Variants in ST8SIA6 observed in about 807,000 individuals in gnomAD.
ST8SIA6 encodes alpha-2,8-sialyltransferase 8F.
In ST8SIA6, 39 loss-of-function variants were observed where a neutral mutation model predicts 33.6. The observed-to-expected ratio is 1.16, with a 90% CI of 0.90 to 1.52. The LOEUF is 1.52. Among genes scored for constraint, ST8SIA6 ranks in the 40% most tolerant of loss-of-function variants. ST8SIA6 has a pLI of 0.00. For synonymous variants in ST8SIA6, 172 were observed against 167.2 expected, an observed-to-expected ratio of 1.03 and a Z score of -0.22; for missense variants, 441 against 443.8, an observed-to-expected ratio of 0.99 and a Z score of 0.06.
chr10:17,394,056 T>G (rs1215173843), intron 2 of ST8SIA6, among the ~76,000 whole-genome samples: 2 of 152,238 alleles, frequency 1.3e-5, no homozygotes, highest in African/African-American at 2.4e-5. Flanking sequence ...TGAATTACGA[T>G]GGCGTTGCAG....
chr10:17,428,204 A>C (rs1588916029), intron 2 of ST8SIA6, among the ~76,000 whole-genome samples: 1 of 152,182 alleles, frequency 6.6e-6, no homozygotes, highest in Non-Finnish European at 1.5e-5. Flanking sequence ...TGCTTTGATG[A>C]TAAGCAGATA....
At chr10:17,439,870 T>C (rs1048296440) in intron 2 of ST8SIA6, among the ~76,000 whole-genome samples, 1 of 152,228 alleles carries the variant, frequency 6.6e-6, no homozygotes, top group Non-Finnish European at 1.5e-5. Flanking sequence ...AAAATATCTA[T>C]GCAGCTGTTC....
At chr10:17,341,900 C>CAAAAAAAAAAAAAAAAAAAAACAAAAA (rs1848687384) in intron 4 of ST8SIA6, among the ~76,000 whole-genome samples, 1 of 73,164 alleles carries the variant, frequency 1.4e-5, no homozygotes, top group Non-Finnish European at 2.4e-5. Flanking sequence ...GGCTCCATCT[C>CAAAAAAAAAAAAAAAAAAAAACAAAAA]AAAAAAAAAA....
At chr10:17,344,572 T>G (rs922622080) in intron 4 of ST8SIA6, among the ~76,000 whole-genome samples, 2 of 152,214 alleles carry the variant, frequency 1.3e-5, no homozygotes, top group Non-Finnish European at 2.9e-5. Flanking sequence ...ATATGGGCAT[T>G]AGGAGAGCTA....
intron 3 of ST8SIA6, among the ~76,000 whole-genome samples, chr10:17,381,032 GT>G (rs34818070): frequency 0.28 from 41,802 of 148,338 alleles, 6,445 homozygotes; most frequent in East Asian, 0.64. Context: ...TTGAGCAAAA[GT>G]TTTTTTTTTT....
chr10:17,431,990 G>C (rs928696304), intron 2 of ST8SIA6, among the ~76,000 whole-genome samples: 1 of 152,180 alleles, frequency 6.6e-6, no homozygotes, highest in African/African-American at 2.4e-5. Context: ...AGGCTGAAGG[G>C]AGAGACAGCC....
At chr10:17,389,313 G>A (rs1219457406) in intron 3 of ST8SIA6, among the ~76,000 whole-genome samples, 2 of 152,180 alleles carry the variant, frequency 1.3e-5, no homozygotes, top group East Asian at 1.9e-4. Flanking sequence ...TGATAAATCG[G>A]TTCTGTCTAG....
chr10:17,393,295 G>A (rs1162280591), intron 2 of ST8SIA6, among the ~76,000 whole-genome samples: 1 of 152,152 alleles, frequency 6.6e-6, no homozygotes, highest in Non-Finnish European at 1.5e-5. Flanking sequence ...GGACTTCTCA[G>A]CCTCCCCTAA....
At chr10:17,386,142 C>T (rs778972256) in intron 3 of ST8SIA6, among the ~76,000 whole-genome samples, 1 of 151,898 alleles carries the variant, frequency 6.6e-6, no homozygotes, top group Non-Finnish European at 1.5e-5. Flanking sequence ...GTTCGTGCCA[C>T]TGCACTCCAG....
chr10:17,385,285 T>C (rs1050234607), intron 3 of ST8SIA6, among the ~76,000 whole-genome samples: 6 of 152,152 alleles, frequency 3.9e-5, no homozygotes, highest in Non-Finnish European at 8.8e-5. Context: ...GACCTGGAAG[T>C]TCCCCCCACA....
chr10:17,333,454 A>G (rs1413448091), intron 4 of ST8SIA6, among the ~76,000 whole-genome samples: 1 of 151,716 alleles, frequency 6.6e-6, no homozygotes, highest in Non-Finnish European at 1.5e-5. Context: ...AGCAAAGAGA[A>G]CAAAGCTGGA....
intron 3 of ST8SIA6, among the ~76,000 whole-genome samples, chr10:17,360,932 G>GAT: frequency 7.7e-6 from 1 of 129,326 alleles, no homozygotes; most frequent in South Asian, 2.6e-4. Flanking sequence ...AAGAAGAAGA[G>GAT]GAAAAGGAAG....
chr10:17,402,931 A>T (rs1851104807), intron 2 of ST8SIA6, among the ~76,000 whole-genome samples: 1 of 152,186 alleles, frequency 6.6e-6, no homozygotes, highest in South Asian at 2.1e-4. Flanking sequence ...ATAATAATAA[A>T]AAATAACAAC....
chr10:17,422,816 A>G (rs956705808), intron 2 of ST8SIA6, among the ~76,000 whole-genome samples: 4 of 152,164 alleles, frequency 2.6e-5, no homozygotes, highest in Admixed American at 6.5e-5. Flanking sequence ...AAGCCAACTG[A>G]ATTTTGCTAA....
chr10:17,398,493 T>TA (rs1183276102), intron 2 of ST8SIA6, among the ~76,000 whole-genome samples: 3 of 152,166 alleles, frequency 2.0e-5, no homozygotes, highest in Admixed American at 6.5e-5. Context: ...TCGTAATTAA[T>TA]ACAATCATGC....
At position 17,321,194 on chromosome 10, in the gene ST8SIA6, T is replaced by C. The variant is rs143744686; in HGVS notation, c.881A>G (p.Gln294Arg). Residue 294 changes from glutamine to arginine, a missense_variant, in exon 8 of 8, where the codon CAA becomes CGA. Physicochemically the swap from Gln to Arg is conservative, Grantham distance 43. Coordinates refer to ENST00000377602, the MANE Select transcript of ST8SIA6 (RefSeq NM_001004470.3). ...YYTLEESKAR[Q>R]KVLFFHPKYL... Reference sequence around the variant, plus strand: ...CTTGGGATGGAAAAATAGAACCTTTTGTCTTGCTTTAGACTCTTCGAGCGT... The same window carrying C: ...CTTGGGATGGAAAAATAGAACCTTTCGTCTTGCTTTAGACTCTTCGAGCGT... The C allele has an allele frequency of 2.9e-4, 474 of 1,614,132 alleles. 3 individuals carry two copies. The African/African-American group carries it at 5.4e-3, about 18-fold the overall frequency.
intron 2 of ST8SIA6, among the ~76,000 whole-genome samples, chr10:17,411,923 T>C (rs1307750654): frequency 1.5e-5 from 1 of 66,522 alleles, no homozygotes; most frequent in Non-Finnish European, 2.7e-5. Context: ...TTAAGGAATG[T>C]TTTTTTTTTT....
At chr10:17,420,071 T>C (rs991615562) in intron 2 of ST8SIA6, among the ~76,000 whole-genome samples, 6 of 152,214 alleles carry the variant, frequency 3.9e-5, no homozygotes, top group Non-Finnish European at 5.9e-5. Flanking sequence ...TAGTTAACTT[T>C]TAAAAAAAAT....
chr10:17,379,527 C>T (rs1850053533), intron 3 of ST8SIA6, among the ~76,000 whole-genome samples: 1 of 152,180 alleles, frequency 6.6e-6, no homozygotes, highest in African/African-American at 2.4e-5. Context: ...AAAGTTATCC[C>T]TCTGCTCATT....
Sources: gnomAD v4.1 joint callset for allele counts (sites outside exome capture counted in the v4.1 genomes callset) on GRCh38, gnomAD v4.1.1 for gene constraint, MANE v1.5 for transcripts, NCBI Gene and HGNC (gene_info 2026-07-23, HGNC 2026-07-21) for gene names.